ARHGAP32: variants seen among roughly 807,000 people sequenced by gnomAD.
The protein encoded by ARHGAP32 is Rho GTPase activating protein 32, also known as rho GTPase-activating protein 32.
ARHGAP32 carries 51 observed loss-of-function variants against 186.5 expected under a neutral mutation model. That is an observed-to-expected ratio of 0.27 (90% CI 0.22 to 0.35). ARHGAP32 has a LOEUF of 0.35. Among genes scored for constraint, ARHGAP32 ranks in the 10% least tolerant of loss-of-function variants. The probability of loss-of-function intolerance (pLI) is 1.00; values close to 1 mark genes in which losing one functional copy is unlikely to be tolerated. For missense variants in ARHGAP32, 2,186 were observed against 2,623.5 expected, an observed-to-expected ratio of 0.83 and a Z score of 3.64; for synonymous variants, 950 against 964.3, an observed-to-expected ratio of 0.99 and a Z score of 0.27.
chr11:129,015,187 C>A (rs1263901705), intron 11 of ARHGAP32, among the ~76,000 whole-genome samples: 3 of 152,128 alleles, frequency 2.0e-5, no homozygotes, highest in Non-Finnish European at 4.4e-5. Context: ...TATTTAAAAG[C>A]CTACTGGCTT....
intron 2 of ARHGAP32, among the ~76,000 whole-genome samples, chr11:129,133,402 A>G (rs1036931542): frequency 1.3e-5 from 2 of 152,220 alleles, no homozygotes; most frequent in African/African-American, 4.8e-5. Context: ...ATATATATTT[A>G]CAGATTCAAG....
intron 1 of ARHGAP32, among the ~76,000 whole-genome samples, chr11:129,244,049 C>T (rs551094126): frequency 1.1e-4 from 17 of 152,256 alleles, no homozygotes; most frequent in African/African-American, 4.1e-4. Context: ...AATAAGAGAC[C>T]TGTGCATCAA....
At chr11:129,107,861 T>A (rs1942091518) in intron 5 of ARHGAP32, among the ~76,000 whole-genome samples, 1 of 122,866 alleles carries the variant, frequency 8.1e-6, no homozygotes, top group Non-Finnish European at 1.7e-5. Context: ...AGGGCAAAAC[T>A]ATGTTTCAAA....
At position 129,273,506 on chromosome 11, in the gene ARHGAP32, A is replaced by C. The variant is rs142269833; in HGVS notation, c.-5+5640T>G. Among the ~76,000 whole-genome samples, 974 of 152,332 alleles carry C rather than the reference A, an allele frequency of 6.4e-3. 12 individuals carry two copies. Among genetic ancestry groups the C allele is most frequent in the African/African-American group, 0.022 (933 of 41,578 alleles). Reference sequence around the variant, plus strand: ...GTCACAAGCTGTTTACAACAGAGCCAAGACAAACATCCAGGTCCTCTTGAC... The same window carrying C: ...GTCACAAGCTGTTTACAACAGAGCCCAGACAAACATCCAGGTCCTCTTGAC... On this transcript the variant is annotated intron_variant, in intron 1 of 6. Transcript: ENST00000525234.
chr11:129,037,994 C>T (rs1261431205), intron 11 of ARHGAP32, among the ~76,000 whole-genome samples: 3 of 151,494 alleles, frequency 2.0e-5, no homozygotes, highest in Non-Finnish European at 2.9e-5. Context: ...CCAGCTACTC[C>T]GGAGGCTGAG....
At chr11:129,222,647 C>T (rs1316257269) in intron 1 of ARHGAP32, among the ~76,000 whole-genome samples, 1 of 152,162 alleles carries the variant, frequency 6.6e-6, no homozygotes, top group Non-Finnish European at 1.5e-5. Flanking sequence ...CTGGGAAAAC[C>T]TGTTGTCACT....
chr11:129,105,045 T>G lies in ARHGAP32; in HGVS notation c.445-11338A>C, dbSNP rs188517458. On this transcript the variant is annotated intron_variant, in intron 5 of 22. Coordinates refer to ENST00000682385, the MANE Select transcript of ARHGAP32 (RefSeq NM_001378024.1). ...GTCTAGAGGCTACCTGAAGAACTGA[T>G]GCAAGGTGCTTACCTACATTTCACC... Among the ~76,000 whole-genome samples the G allele has an allele frequency of 3.9e-5, 6 of 152,304 alleles. No homozygotes were observed. The East Asian group carries it at 1.2e-3, about 29-fold the overall frequency.
intron 1 of ARHGAP32, among the ~76,000 whole-genome samples, chr11:129,261,763 A>G (rs1945323062): frequency 6.6e-6 from 1 of 152,248 alleles, no homozygotes; most frequent in Non-Finnish European, 1.5e-5. Flanking sequence ...TCTGTTAATC[A>G]AAGGTAATTT....
chr11:129,174,961 A>C (rs1178734635), intron 1 of ARHGAP32, among the ~76,000 whole-genome samples: 1 of 145,774 alleles, frequency 6.9e-6, no homozygotes, highest in Non-Finnish European at 1.5e-5. Flanking sequence ...TGACGAGCTC[A>C]GAGAAGAAGG....
At position 128,978,875 on chromosome 11, in the gene ARHGAP32, T is replaced by C. The variant is rs752767333; in HGVS notation, c.2017A>G (p.Ser673Gly). Residue 673 changes from serine (S) to glycine (G), a missense_variant, in exon 19 of 23, where the codon AGC becomes GGC. Around this residue, in one of 5 missense-constraint regions of ARHGAP32, gnomAD observed 263 missense variants for 323.5 expected, o/e 0.81. Transcript: ENST00000682385. ...CCCAAGTTGAAAAAGGAACGCCAGC[T>C]ACCCACAGGAGACTTTTTCATCTTA... ...QNKMKKSPVG[S>G]WRSFFNLGKS... The C allele has an allele frequency of 5.6e-6, 9 of 1,611,642 alleles. No homozygotes were observed. In the East Asian group the frequency reaches 2.0e-4, roughly 36 times the overall value.
chr11:129,038,879 C>A (rs1939470995), intron 11 of ARHGAP32, among the ~76,000 whole-genome samples: 1 of 111,206 alleles, frequency 9.0e-6, no homozygotes, highest in African/African-American at 3.6e-5. Context: ...CAAAGAAAGA[C>A]CCTGTCTCGA....
intron 5 of ARHGAP32, among the ~76,000 whole-genome samples, chr11:129,116,434 T>G (rs1942372188): frequency 6.6e-6 from 1 of 152,016 alleles, no homozygotes; most frequent in Admixed American, 6.6e-5. Flanking sequence ...AATTCTCTCC[T>G]GAAAGGACAA....
chr11:129,162,691 T>G (rs1324702823), intron 2 of ARHGAP32, among the ~76,000 whole-genome samples: 1 of 152,212 alleles, frequency 6.6e-6, no homozygotes, highest in Non-Finnish European at 1.5e-5. Flanking sequence ...ACTAAATGAC[T>G]TTGCTAATCA....
chr11:129,147,355 A>G (rs1943188049), intron 2 of ARHGAP32, among the ~76,000 whole-genome samples: 1 of 152,204 alleles, frequency 6.6e-6, no homozygotes, highest in African/African-American at 2.4e-5. Context: ...AGACCATCAC[A>G]TGAAATACTA....
chr11:129,147,844 T>A (rs928320414), intron 2 of ARHGAP32, among the ~76,000 whole-genome samples: 3 of 152,184 alleles, frequency 2.0e-5, no homozygotes, highest in Non-Finnish European at 4.4e-5. Context: ...TATCCTCTTT[T>A]AAACTTTATC....
intron 1 of ARHGAP32, among the ~76,000 whole-genome samples, chr11:129,181,967 G>GA (rs1944064317): frequency 6.6e-6 from 1 of 152,048 alleles, no homozygotes; most frequent in African/African-American, 2.4e-5. Context: ...TCATATGTAT[G>GA]AAAAAATACA....
At chr11:129,248,129 G>A (rs1405235158) in intron 1 of ARHGAP32, among the ~76,000 whole-genome samples, 7 of 151,436 alleles carry the variant, frequency 4.6e-5, no homozygotes, top group South Asian at 2.1e-4. Flanking sequence ...TGGCTAACAC[G>A]GTGAAACCCC....
At chr11:129,191,498 A>G (rs1271163402) in intron 1 of ARHGAP32, among the ~76,000 whole-genome samples, 1 of 152,210 alleles carries the variant, frequency 6.6e-6, no homozygotes, top group Non-Finnish European at 1.5e-5. Flanking sequence ...TTATGAAGTT[A>G]CTAATACTAC....
In ARHGAP32 at chr11:128,970,320, C is replaced by T; in HGVS notation, c.4893G>A (p.Leu1631=). ...DDEPAYCPRP[L]YQYKPYQSSQ... ...AGGACTGATATGGCTTATATTGGTACAGAGGTCTTGGGCAGTAGGCTGGCT... is the reference window on the plus strand; with the variant it reads ...AGGACTGATATGGCTTATATTGGTATAGAGGTCTTGGGCAGTAGGCTGGCT... The change falls in exon 23 of 23, where the codon CTG becomes CTA. Residue 1631 remains leucine, a synonymous_variant. Coordinates refer to ENST00000682385, the MANE Select transcript of ARHGAP32 (RefSeq NM_001378024.1). The surrounding 1 kb of genome is among the most constrained non-coding windows in gnomAD (Gnocchi z 5.8). 1.9e-6 allele frequency: 3 copies of T among 1,614,116 alleles called. No homozygotes were observed. Among genetic ancestry groups the T allele is most frequent in the Non-Finnish European group, 2.5e-6 (3 of 1,180,020 alleles).
Sources: allele counts gnomAD v4.1 joint callset (sites outside exome capture counted in the v4.1 genomes callset), GRCh38; gene constraint gnomAD v4.1.1; regional missense constraint gnomAD v4.1.1; non-coding constraint Gnocchi (gnomAD v3.1); transcripts MANE v1.5; gene names NCBI Gene and HGNC (gene_info 2026-07-23, HGNC 2026-07-21).